AKR1B15: variants seen among roughly 807,000 people sequenced by gnomAD.
The protein encoded by AKR1B15 is aldo-keto reductase family 1 member B15.
AKR1B15 carries 49 observed loss-of-function variants against 38.5 expected under a neutral mutation model. That is an observed-to-expected ratio of 1.27 (90% CI 1.01 to 1.62). The LOEUF is 1.62. Among genes scored for constraint, AKR1B15 ranks in the 40% most tolerant of loss-of-function variants. The pLI is 0.00. For missense variants in AKR1B15, 411 were observed against 381.6 expected (o/e 1.08, Z -0.64); for synonymous variants, 137 against 135.5 (o/e 1.01, Z -0.08).
chr7:134,556,404 G>A (rs1462346788), intron 1 of AKR1B15, among the ~76,000 whole-genome samples: 1 of 152,142 alleles, frequency 6.6e-6, no homozygotes, highest in Non-Finnish European at 1.5e-5. Context: ...GCTCAAAATG[G>A]ACTCTCTTTC....
Position 134,572,631 on chromosome 7 carries a change from G to GAAAAAAA in AKR1B15, c.513+958_513+964dup, listed in dbSNP as rs367742933. Among the ~76,000 whole-genome samples, 24 of 125,702 alleles carry GAAAAAAA rather than the reference G, an allele frequency of 1.9e-4. No homozygotes were observed. In the East Asian group the frequency reaches 4.1e-3, roughly 22 times the overall value. The allele number at this position is 125,702 out of a possible 152,430, so 82.5% of individuals were successfully genotyped here. A position where few individuals can be genotyped will look rare whatever the true frequency, so the allele number is the denominator to read the frequency against. ...CGTCAGTGCAAGACACCATCTTGAA[G>GAAAAAAA]AAAAAAAAAAAAAAGAAAAAAGAAA... On this transcript the variant is annotated intron_variant, in intron 6 of 11. Coordinates refer to ENST00000457545, the MANE Select transcript of AKR1B15 (RefSeq NM_001080538.3).
chr7:134,579,111 G>A (rs1425446962), intron 11 of AKR1B15, among the ~76,000 whole-genome samples: 1 of 152,200 alleles, frequency 6.6e-6, no homozygotes, highest in African/African-American at 2.4e-5. Context: ...AGCTTAGAAT[G>A]TGCCAGGGTC....
intron 11 of AKR1B15, 109 bp from the exon 12 acceptor site, chr7:134,579,398 G>A (rs905356683): frequency 6.7e-6 from 6 of 900,120 alleles, no homozygotes; most frequent in Non-Finnish European, 6.5e-6. Context: ...CAGGGAGGAG[G>A]CTGAGAGACC....
At chr7:134,564,349 A>T (rs1794485197) in intron 2 of AKR1B15, among the ~76,000 whole-genome samples, 1 of 152,184 alleles carries the variant, frequency 6.6e-6, no homozygotes, top group Non-Finnish European at 1.5e-5. Flanking sequence ...CTGAGAAAGG[A>T]GGGCTCTGCA....
intron 2 of AKR1B15, among the ~76,000 whole-genome samples, chr7:134,563,489 A>T (rs1200551406): frequency 6.6e-6 from 1 of 152,198 alleles, no homozygotes; most frequent in African/African-American, 2.4e-5. Context: ...CAGAGGTTGC[A>T]GTGAGCCAAG....
chr7:134,562,893 T>TC (rs1562947145), intron 2 of AKR1B15, among the ~76,000 whole-genome samples: 9 of 139,822 alleles, frequency 6.4e-5, no homozygotes, highest in African/African-American at 2.7e-4. Flanking sequence ...TTTCTTTCCT[T>TC]CTTTCTTCCT....
At position 134,576,276 on chromosome 7, in the gene AKR1B15, C is replaced by T. The variant is rs1794766130; in HGVS notation, c.744-73C>T. ...AGGCTCTGATGATCAGTCTTGAGAC[C>T]CTCATTGGAGTGGTGTCCTTCTGTA... is the stretch of plus-strand genomic sequence containing the variant. On this transcript the variant is annotated intron_variant, in intron 8 of 11. Coordinates refer to ENST00000457545, the MANE Select transcript of AKR1B15 (RefSeq NM_001080538.3). 25 of 1,484,978 alleles carry T rather than the reference C, an allele frequency of 1.7e-5. No homozygotes were observed. The South Asian group carries it at 2.8e-4, about 16-fold the overall frequency. 92.0% of individuals were successfully genotyped at this position (1,484,978 alleles called of 1,614,324 possible).
chr7:134,554,266 T>G (rs747518826), intron 1 of AKR1B15, among the ~76,000 whole-genome samples: 1 of 152,166 alleles, frequency 6.6e-6, no homozygotes, highest in Non-Finnish European at 1.5e-5. Context: ...GCTCAGCTCC[T>G]GGTCGTGCCT....
At chr7:134,550,490 G>A (rs1235393004) in intron 1 of AKR1B15, among the ~76,000 whole-genome samples, 1 of 152,154 alleles carries the variant, frequency 6.6e-6, no homozygotes, top group Admixed American at 6.5e-5. Flanking sequence ...AGTCCCACTG[G>A]CTGAGGATCC....
intron 11 of AKR1B15, among the ~76,000 whole-genome samples, chr7:134,578,474 G>T (rs1340911059): frequency 6.6e-6 from 1 of 152,194 alleles, no homozygotes; most frequent in African/African-American, 2.4e-5. Context: ...CTTAAAGGAG[G>T]TGGTGCTAAC....
chr7:134,558,943 C>G (rs1794296780), intron 2 of AKR1B15, among the ~76,000 whole-genome samples: 1 of 152,016 alleles, frequency 6.6e-6, no homozygotes, highest in East Asian at 1.9e-4. Flanking sequence ...TGGGAAGGAC[C>G]CTACCTAGTG....
chr7:134,558,703 A>G (rs1242845837), intron 2 of AKR1B15, among the ~76,000 whole-genome samples: 1 of 152,190 alleles, frequency 6.6e-6, no homozygotes, highest in African/African-American at 2.4e-5. Context: ...TCACCTGAGG[A>G]AACGCTCTAT....
chr7:134,565,132 T>C, intron 3 of AKR1B15: 1 of 336,458 alleles, frequency 3.0e-6, no homozygotes, highest in Admixed American at 4.1e-5. Flanking sequence ...TCAGATACCC[T>C]TCCACACCGT....
chr7:134,569,865 A>G, intron 5 of AKR1B15: 1 of 253,076 alleles, frequency 4.0e-6, no homozygotes, highest in Non-Finnish European at 7.9e-6. Context: ...TGATGATTGC[A>G]TTAACTGCAC....
rs1794213115 is a variant in AKR1B15 at position 134,556,819 on chromosome 7, T to C, written c.-63T>C. The C allele has an allele frequency of 6.6e-6, 1 of 152,216 alleles. No individual in the cohort carries two copies. The highest frequency in any genetic ancestry group is 2.4e-5 in the African/African-American group (1 of 41,452). The allele number at this position is 152,216 out of a possible 1,614,324, so 9.4% of individuals were successfully genotyped here. A position where few individuals can be genotyped will look rare whatever the true frequency, so the allele number is the denominator to read the frequency against. On this transcript the variant is annotated 5_prime_UTR_variant, in exon 2 of 12. Transcript: ENST00000457545. The stretch of plus-strand genomic sequence containing the variant: ...TCAGCAGCTATTGGCACGACTGCCC[T>C]GATTCAAGGAGAAACTGGACTAATA...
intron 2 of AKR1B15, among the ~76,000 whole-genome samples, chr7:134,561,425 T>C (rs1794387747): frequency 6.6e-6 from 1 of 152,208 alleles, no homozygotes; most frequent in African/African-American, 2.4e-5. Context: ...CAGGCTAGTT[T>C]CAAACACTTG....
chr7:134,550,866 G>A (rs1001169637), intron 1 of AKR1B15, among the ~76,000 whole-genome samples: 4 of 152,154 alleles, frequency 2.6e-5, no homozygotes, highest in Non-Finnish European at 5.9e-5. Context: ...TTGGAACTGG[G>A]TGGCCCCCAG....
chr7:134,578,028 T>C (rs1794803332), intron 11 of AKR1B15, among the ~76,000 whole-genome samples: 2 of 152,198 alleles, frequency 1.3e-5, no homozygotes, highest in African/African-American at 4.8e-5. Flanking sequence ...GTGTTATCAA[T>C]AGGCAGGAGG....
rs138442962 is a variant in AKR1B15 at position 134,555,819 on chromosome 7, C to T, written c.-146-917C>T. ...AGGGTGCAGAAAAAAGGCTCCAGAGCGTTGACTTTTACCTTTGTCCTGGAA... is the reference window on the plus strand; with the variant it reads ...AGGGTGCAGAAAAAAGGCTCCAGAGTGTTGACTTTTACCTTTGTCCTGGAA... On this transcript the variant is annotated intron_variant, in intron 1 of 11. Coordinates refer to ENST00000457545, the MANE Select transcript of AKR1B15 (RefSeq NM_001080538.3). Among the ~76,000 whole-genome samples, 587 of 152,206 alleles carry T rather than the reference C, an allele frequency of 3.9e-3. 4 individuals carry two copies. Among genetic ancestry groups the T allele is most frequent in the Admixed American group, 5.8e-3 (89 of 15,288 alleles).
Sources: allele counts gnomAD v4.1 joint callset (sites outside exome capture counted in the v4.1 genomes callset), GRCh38; gene constraint gnomAD v4.1.1; transcripts MANE v1.5; gene names NCBI Gene and HGNC (gene_info 2026-07-23, HGNC 2026-07-21).